Variants in ADGB observed in about 807,000 individuals in gnomAD.
ADGB encodes calpain-7-like protein.
Under a neutral mutation model 210.5 loss-of-function variants are expected in ADGB, and 172 were observed. That is an observed-to-expected ratio of 0.82 (90% CI 0.72 to 0.93). ADGB has a LOEUF of 0.93. Ranked by LOEUF, ADGB falls within the 40% of genes least tolerant of loss-of-function variation. ADGB has a pLI of 0.00. For missense variants in ADGB, 2,025 were observed against 1,964.8 expected (o/e 1.03, Z -0.58); for synonymous variants, 658 against 662.7 (o/e 0.99, Z 0.11).
intron 17 of ADGB, 37 bp from the exon 18 acceptor site, chr6:146,724,149 A>T (rs1349559896): frequency 6.6e-7 from 1 of 1,519,666 alleles, no homozygotes; most frequent in Non-Finnish European, 8.8e-7. Flanking sequence ...CTACACTTTC[A>T]TGATCAAACT....
At chr6:146,613,393 A>G (rs753414742) in intron 1 of ADGB, among the ~76,000 whole-genome samples, 6 of 152,198 alleles carry the variant, frequency 3.9e-5, no homozygotes, top group Admixed American at 2.6e-4. Flanking sequence ...TTCTATTCAT[A>G]TTCTGATTCC....
intron 1 of ADGB, among the ~76,000 whole-genome samples, chr6:146,607,114 C>T (rs1780641710): frequency 6.6e-6 from 1 of 152,068 alleles, no homozygotes; most frequent in African/African-American, 2.4e-5. Context: ...GTTCTGTCAT[C>T]TCCTTGGTTA....
intron 2 of ADGB, among the ~76,000 whole-genome samples, chr6:146,642,542 A>G (rs9399582): frequency 0.57 from 86,125 of 151,760 alleles, 24,584 homozygotes; most frequent in Admixed American, 0.6. Flanking sequence ...CACTATGGAT[A>G]CATATACACC....
At chr6:146,715,334 A>G (rs2114563130) in intron 13 of ADGB, 48 bp from the exon 14 acceptor site, 2 of 1,375,988 alleles carry the variant, frequency 1.5e-6, no homozygotes, top group Non-Finnish European at 2.0e-6. Flanking sequence ...TGCTTTGGAT[A>G]GCTGTAATGT....
intron 30 of ADGB, among the ~76,000 whole-genome samples, chr6:146,783,839 C>T (rs887925091): frequency 1.8e-4 from 27 of 152,128 alleles, no homozygotes; most frequent in African/African-American, 6.3e-4. Flanking sequence ...AAACTTGTCT[C>T]CCAGCCTATG....
chr6:146,809,212 G>A (rs1778261796), intron 35 of ADGB, among the ~76,000 whole-genome samples: 1 of 152,130 alleles, frequency 6.6e-6, no homozygotes, highest in South Asian at 2.1e-4. Context: ...CTCAGTTTTT[G>A]TCCCAACACT....
chr6:146,769,012 T>C lies in ADGB; in HGVS notation c.3751-8T>C, dbSNP rs770567007. ...TATCATTTTTAAACACTGCATTTTA[T>C]TTCACAGAATTACAAGTATATTATA... On this transcript the variant is annotated splice_polypyrimidine_tract_variant and splice_region_variant and intron_variant, in intron 28 of 35. Transcript: ENST00000397944. 5.7e-5 allele frequency: 80 copies of C among 1,413,300 alleles called. No homozygotes were observed. The highest frequency in any genetic ancestry group is 7.6e-5 in the Non-Finnish European group (79 of 1,039,244). 87.5% of individuals were successfully genotyped at this position (1,413,300 alleles called of 1,614,324 possible).
At chr6:146,782,461 C>T (rs904916997) in intron 30 of ADGB, among the ~76,000 whole-genome samples, 2 of 151,980 alleles carry the variant, frequency 1.3e-5, no homozygotes, top group Non-Finnish European at 1.5e-5. Flanking sequence ...CAGTACTAAC[C>T]CTAAAAGAAT....
At chr6:146,644,698 T>C (rs915433853) in intron 2 of ADGB, 75 bp from the exon 3 acceptor site, 2 of 949,040 alleles carry the variant, frequency 2.1e-6, no homozygotes, top group Admixed American at 3.4e-5. Context: ...TATGCACTTA[T>C]TTCTTTTTTA....
Position 146,746,116 on chromosome 6 carries a change from G to A in ADGB, c.3365+7G>A. The A allele has an allele frequency of 6.7e-7, 1 of 1,497,690 alleles. No individual in the cohort carries two copies. Among genetic ancestry groups the A allele is most frequent in the Non-Finnish European group, 9.0e-7 (1 of 1,113,496 alleles). The allele number at this position is 1,497,690 out of a possible 1,614,324, so 92.8% of individuals were successfully genotyped here. A position where few individuals can be genotyped will look rare whatever the true frequency, so the allele number is the denominator to read the frequency against. ...ATAAGAAAATTTTATTCAGGTACAA[G>A]TAAATGACAGAAGGGGAAAGGCATT... On this transcript the variant is annotated splice_region_variant and intron_variant, in intron 26 of 35. Coordinates refer to ENST00000397944, the MANE Select transcript of ADGB (RefSeq NM_024694.4).
At chr6:146,665,063 C>A (rs1775920499) in intron 6 of ADGB, among the ~76,000 whole-genome samples, 2 of 152,068 alleles carry the variant, frequency 1.3e-5, no homozygotes, top group South Asian at 4.1e-4. Context: ...GGAAGATGCT[C>A]ACATACATTG....
chr6:146,614,967 C>G (rs1251220397), intron 1 of ADGB, among the ~76,000 whole-genome samples: 2 of 152,200 alleles, frequency 1.3e-5, no homozygotes, highest in Admixed American at 6.5e-5. Flanking sequence ...GTGGCACGAT[C>G]TCGGCTCCCT....
chr6:146,603,522 C>G (rs554535463), intron 1 of ADGB, among the ~76,000 whole-genome samples: 2 of 152,162 alleles, frequency 1.3e-5, no homozygotes, highest in South Asian at 4.1e-4. Flanking sequence ...TTTTTCACTT[C>G]CAAAAGGACA....
At chr6:146,632,330 G>A (rs1300747601) in intron 1 of ADGB, among the ~76,000 whole-genome samples, 1 of 152,080 alleles carries the variant, frequency 6.6e-6, no homozygotes, top group African/African-American at 2.4e-5. Flanking sequence ...TTCTTCAGCA[G>A]CCACTTTTCC....
chr6:146,702,255 C>A (rs1005068834), intron 13 of ADGB, among the ~76,000 whole-genome samples: 5 of 151,984 alleles, frequency 3.3e-5, no homozygotes, highest in African/African-American at 1.2e-4. Context: ...TGTAGTAATA[C>A]CCACACCTGT....
At chr6:146,699,092 A>G (rs1776451159) in intron 12 of ADGB, among the ~76,000 whole-genome samples, 1 of 152,184 alleles carries the variant, frequency 6.6e-6, no homozygotes, top group Non-Finnish European at 1.5e-5. Context: ...AGGGTTCTCC[A>G]GAGAGACTGA....
chr6:146,752,776 C>G, intron 27 of ADGB, 62 bp downstream of exon 27: 1 of 1,379,042 alleles, frequency 7.3e-7, no homozygotes, highest in Non-Finnish European at 9.5e-7. Flanking sequence ...GTTTTCATGA[C>G]ACTTTAAAAA....
chr6:146,683,387 C>T (rs367697375), intron 9 of ADGB, among the ~76,000 whole-genome samples: 3 of 151,984 alleles, frequency 2.0e-5, no homozygotes, highest in African/African-American at 7.2e-5. Flanking sequence ...CATTCCTATC[C>T]AGCTTTTACA....
chr6:146,756,536 C>G (rs1777408604), intron 27 of ADGB, among the ~76,000 whole-genome samples: 1 of 151,998 alleles, frequency 6.6e-6, no homozygotes, highest in East Asian at 1.9e-4. Flanking sequence ...ATACATACCT[C>G]TGATTAGTTT....
Sources: gnomAD v4.1 joint callset for allele counts (sites outside exome capture counted in the v4.1 genomes callset) on GRCh38, gnomAD v4.1.1 for gene constraint, MANE v1.5 for transcripts, NCBI Gene and HGNC (gene_info 2026-07-23, HGNC 2026-07-21) for gene names.